Variants in MIER3 observed in about 807,000 individuals in gnomAD.
MIER3 encodes the protein mesoderm induction early response protein 3.
MIER3 carries 9 observed loss-of-function variants against 63.2 expected under a neutral mutation model. The observed-to-expected ratio is 0.14, with a 90% CI of 0.09 to 0.25. The LOEUF (loss-of-function observed/expected upper bound fraction) is 0.25, where lower values mean the gene tolerates loss of function less well. Ranked by LOEUF, MIER3 falls within the 10% of genes least tolerant of loss-of-function variation. The pLI is 1.00. For missense variants in MIER3, 512 were observed against 666.2 expected (o/e 0.77, Z 2.55); for synonymous variants, 205 against 224.9 (o/e 0.91, Z 0.79).
chr5:56,923,242 G>A lies in MIER3; in HGVS notation c.1539C>T (p.Thr513=). The stretch of plus-strand genomic sequence containing the variant: ...CCACAGAAACAGCCATTTTGGCACT[G>A]GTGATGTGATGTGTGTGATTTTCAA... ...VDFENHTHHI[T]SAKMAVSVAD... The change falls in exon 13 of 13, where the codon ACC becomes ACT. Residue 513 remains threonine, a synonymous_variant. Transcript: ENST00000381199. The A allele has an allele frequency of 1.1e-5, 17 of 1,614,136 alleles. No individual in the cohort carries two copies. The highest frequency in any genetic ancestry group is 1.4e-5 in the Non-Finnish European group (17 of 1,180,014).
chr5:56,930,856 T>G, intron 8 of MIER3, 111 bp from the exon 9 acceptor site: 1 of 840,332 alleles, frequency 1.2e-6, no homozygotes, highest in East Asian at 2.5e-5. Flanking sequence ...ACTGAAATCC[T>G]CTCTAATTTC....
At chr5:56,952,048 G>A in intron 1 of MIER3, 46 bp downstream of exon 1, 5 of 1,265,354 alleles carry the variant, frequency 4.0e-6, no homozygotes, top group Admixed American at 6.8e-5. Context: ...GGAGCCGCCG[G>A]GCGCCCGCTC....
At chr5:56,929,972 T>A (rs1750200447) in intron 9 of MIER3, among the ~76,000 whole-genome samples, 3 of 152,196 alleles carry the variant, frequency 2.0e-5, no homozygotes, top group South Asian at 2.1e-4. Context: ...TAAAATAATT[T>A]TTTTTCAAAG....
chr5:56,944,841 T>C (rs1454869965), intron 3 of MIER3, among the ~76,000 whole-genome samples: 1 of 151,986 alleles, frequency 6.6e-6, no homozygotes, highest in Non-Finnish European at 1.5e-5. Flanking sequence ...GCTACTAGCA[T>C]GCACCATCAC....
intron 2 of MIER3, among the ~76,000 whole-genome samples, chr5:56,950,013 C>T (rs1259814958): frequency 6.6e-6 from 1 of 152,198 alleles, no homozygotes; most frequent in Non-Finnish European, 1.5e-5. Flanking sequence ...TCATTAGATC[C>T]TGACAGGGGT....
intron 2 of MIER3, among the ~76,000 whole-genome samples, chr5:56,947,903 A>G (rs1217408559): frequency 6.6e-6 from 1 of 152,244 alleles, no homozygotes; most frequent in Non-Finnish European, 1.5e-5. Context: ...AGAAATGACT[A>G]AAATCCATAA....
At chr5:56,923,608 T>G (rs1561229293) in intron 12 of MIER3, 23 bp from the exon 13 acceptor site, 1 of 1,611,372 alleles carries the variant, frequency 6.2e-7, no homozygotes, top group Admixed American at 1.7e-5. Flanking sequence ...GGAAAATTGT[T>G]TAAGTAAGTG....
Position 56,933,481 on chromosome 5 carries a change from T to C in MIER3, c.596-83A>G, listed in dbSNP as rs1159656708. On this transcript the variant is annotated intron_variant, in intron 7 of 12. Transcript: ENST00000381199. ...ACAAACAATTCTTTGTCTTCCTTGATTGGCTATCCAGTGGGACAAGTAAAT... is the reference window on the plus strand; with the variant it reads ...ACAAACAATTCTTTGTCTTCCTTGACTGGCTATCCAGTGGGACAAGTAAAT... The C allele has an allele frequency of 1.1e-5, 15 of 1,307,370 alleles. No homozygotes were observed. The South Asian group carries it at 1.5e-4, about 13-fold the overall frequency. 81.0% of individuals were successfully genotyped at this position (1,307,370 alleles called of 1,614,324 possible).
In MIER3 at chr5:56,930,559, CA is replaced by C. The variant is rs1750224678; in HGVS notation, c.829+104del. ...TGCTATGGAGCTGAACCAGATCTTACAAAAGTGTTACAGGATTGCTCTGTCC... is the reference window on the plus strand; with the variant it reads ...TGCTATGGAGCTGAACCAGATCTTACAAAGTGTTACAGGATTGCTCTGTCC... On this transcript the variant is annotated intron_variant, in intron 9 of 12. Coordinates refer to ENST00000381199, the MANE Select transcript of MIER3 (RefSeq NM_001297599.2). 3.3e-6 allele frequency: 3 copies of C among 918,760 alleles called. No homozygotes were observed. The Admixed American group carries it at 5.9e-5, about 18-fold the overall frequency. The allele number at this position is 918,760 out of a possible 1,614,324, so 56.9% of individuals were successfully genotyped here. A position where few individuals can be genotyped will look rare whatever the true frequency, so the allele number is the denominator to read the frequency against.
chr5:56,942,690 GAA>G (rs1011684419), intron 3 of MIER3, among the ~76,000 whole-genome samples: 4 of 152,104 alleles, frequency 2.6e-5, no homozygotes, highest in African/African-American at 4.8e-5. Flanking sequence ...CATAAAATAA[GAA>G]AGAGGGAGAA....
At chr5:56,933,191 A>G in intron 8 of MIER3, 56 bp downstream of exon 8, 2 of 1,464,810 alleles carry the variant, frequency 1.4e-6, no homozygotes, top group African/African-American at 1.4e-5. Context: ...ATCAAATATA[A>G]GAAATCAAGA....
intron 2 of MIER3, among the ~76,000 whole-genome samples, chr5:56,947,531 A>C (rs1320314601): frequency 6.6e-6 from 1 of 152,208 alleles, no homozygotes; most frequent in Non-Finnish European, 1.5e-5. Flanking sequence ...TCAAATTCTA[A>C]CCCTCAAATA....
chr5:56,933,423 C>A (rs1750340184), intron 7 of MIER3, 25 bp from the exon 8 acceptor site: 1 of 1,565,540 alleles, frequency 6.4e-7, no homozygotes. Flanking sequence ...CCCATTAACA[C>A]ATTAAAAATC....
At chr5:56,926,718 C>T (rs78664304) in intron 10 of MIER3, among the ~76,000 whole-genome samples, 3,289 of 152,188 alleles carry the variant, frequency 0.022, 125 homozygotes, top group African/African-American at 0.076. Context: ...CTTACTCCTT[C>T]GTATTTGGAC....
chr5:56,949,334 C>A (rs1409840321), intron 2 of MIER3, among the ~76,000 whole-genome samples: 1 of 152,060 alleles, frequency 6.6e-6, no homozygotes, highest in Non-Finnish European at 1.5e-5. Context: ...GCCTGCATAA[C>A]GTCTCAAACA....
At position 56,938,915 on chromosome 5, in the gene MIER3, C is replaced by T; in HGVS notation, c.283G>A (p.Ala95Thr). 1 of 1,614,050 alleles carries T rather than the reference C, an allele frequency of 6.2e-7. No individual in the cohort carries two copies. Among genetic ancestry groups the T allele is most frequent in the Non-Finnish European group, 8.5e-7 (1 of 1,179,952 alleles). The change falls in exon 4 of 13, where the codon GCA becomes ACA. Residue 95 changes from alanine to threonine, a missense_variant. Coordinates refer to ENST00000381199, the MANE Select transcript of MIER3 (RefSeq NM_001297599.2). ...SSANSSPSELADELPDMTLDK... is the reference protein window; with the variant it reads ...SSANSSPSELTDELPDMTLDK... ...AGTGTCATGTCTGGTAGTTCATCTG[C>T]CAGTTCACTTGGGGAACTATTTGCA...
chr5:56,939,056 T>A, intron 3 of MIER3, 39 bp from the exon 4 acceptor site: 1 of 1,607,564 alleles, frequency 6.2e-7, no homozygotes, highest in Non-Finnish European at 8.5e-7. Context: ...TCAGCAGATG[T>A]CACAATACTG....
At chr5:56,950,770 A>T (rs1452338113) in intron 1 of MIER3, 118 bp from the exon 2 acceptor site, 1 of 1,157,446 alleles carries the variant, frequency 8.6e-7, no homozygotes, top group South Asian at 1.3e-5. Context: ...CCAAAAGTGC[A>T]AGACGTAGCT....
chr5:56,928,694 T>G, intron 10 of MIER3, 73 bp downstream of exon 10: 1 of 1,065,664 alleles, frequency 9.4e-7, no homozygotes, highest in South Asian at 1.5e-5. Flanking sequence ...TTTTCCTACT[T>G]AAGTGACTTA....
Sources: allele counts gnomAD v4.1 joint callset (sites outside exome capture counted in the v4.1 genomes callset), GRCh38; gene constraint gnomAD v4.1.1; transcripts MANE v1.5; gene names NCBI Gene and HGNC (gene_info 2026-07-23, HGNC 2026-07-21).